The following SMTNL1 variants were observed in gnomAD, a reference collection of about 807,000 sequenced individuals.
SMTNL1 encodes smoothelin like 1, also known as smoothelin-like protein 1.
A neutral mutation model predicts 46.6 loss-of-function variants in SMTNL1; 41 were observed. The ratio of observed to expected loss-of-function variants is 0.88; its 90% CI spans 0.69 to 1.14. SMTNL1 has a LOEUF of 1.14. Ranked by LOEUF, SMTNL1 falls within the 50% of genes most tolerant of loss-of-function variation. The pLI is 0.00. For synonymous variants in SMTNL1, 234 were observed against 234.2 expected (o/e 1.00, Z 0.01); for missense variants, 591 against 626.1 (o/e 0.94, Z 0.60).
At position 57,545,767 on chromosome 11, in the gene SMTNL1, C is replaced by T. The variant is rs1469035382; in HGVS notation, c.918-114C>T. On this transcript the variant is annotated intron_variant, in intron 4 of 7. Transcript: ENST00000527972. ...GTCCTCCCAGTGCTGGGCACAGCTG[C>T]ACACACCCCCTTAGACTGCAGTGCC... 4.8e-6 allele frequency: 5 copies of T among 1,043,646 alleles called. No homozygotes were observed. In the East Asian group the frequency reaches 1.1e-4, roughly 22 times the overall value. The allele number at this position is 1,043,646 out of a possible 1,614,324, so 64.6% of individuals were successfully genotyped here. A position where few individuals can be genotyped will look rare whatever the true frequency, so the allele number is the denominator to read the frequency against.
At chr11:57,537,940 A>G (rs1944842001) in intron 1 of SMTNL1, among the ~76,000 whole-genome samples, 1 of 152,126 alleles carries the variant, frequency 6.6e-6, no homozygotes, top group South Asian at 2.1e-4. Flanking sequence ...GTCTAAGCCA[A>G]GCCTGTCCAG....
At chr11:57,542,586 C>T in intron 1 of SMTNL1, 55 bp from the exon 2 acceptor site, 1 of 1,532,786 alleles carries the variant, frequency 6.5e-7, no homozygotes, top group Admixed American at 2.1e-5. Context: ...AGGGTGGGGT[C>T]TTCACCTCAT....
Position 57,546,035 on chromosome 11 carries a change from G to A in SMTNL1, c.1072G>A (p.Gly358Arg), listed in dbSNP as rs753409479. ...NRKAIVDKFG[G>R]AASGPTALFR... The stretch of plus-strand genomic sequence containing the variant: ...CAAAGCCATCGTGGACAAGTTTGGC[G>A]GGTAGGACACAGGCCAGGGGCTGGG... The change falls in exon 5 of 8, where the codon GGG becomes AGG. Residue 358 changes from glycine (G) to arginine (R), a missense_variant and splice_region_variant. Physicochemically the swap from Gly to Arg is moderately radical, Grantham distance 125. Transcript: ENST00000527972. The A allele has an allele frequency of 1.6e-5, 26 of 1,580,962 alleles. No individual in the cohort carries two copies. Among genetic ancestry groups the A allele is most frequent in the African/African-American group, 4.1e-5 (3 of 73,728 alleles).
At position 57,543,063 on chromosome 11, in the gene SMTNL1, G is replaced by A. The variant is rs1184424222; in HGVS notation, c.421G>A (p.Glu141Lys). 1.2e-6 allele frequency: 2 copies of A among 1,608,658 alleles called. No homozygotes were observed. Among genetic ancestry groups the A allele is most frequent in the South Asian group, 1.1e-5 (1 of 90,220 alleles). Reference sequence around the variant, plus strand: ...GGCCTCTGAGAAGCAGAAGGCTGAGGAGAAAGAGGCCAAACCTGAATCTGG... The same window carrying A: ...GGCCTCTGAGAAGCAGAAGGCTGAGAAGAAAGAGGCCAAACCTGAATCTGG... Reference protein sequence around the residue: ...TLASEKQKAEEKEAKPESGQK... With the variant: ...TLASEKQKAEKKEAKPESGQK... Residue 141 changes from glutamate to lysine, a missense_variant, in exon 2 of 8, where the codon GAG (glutamate) becomes AAG (lysine). Coordinates refer to ENST00000527972, the MANE Select transcript of SMTNL1 (RefSeq NM_001105565.3).
In SMTNL1 at chr11:57,546,270, A is replaced by C. The variant is rs1944922397; in HGVS notation, c.1111A>C (p.Lys371Gln). 6.2e-7 allele frequency: 1 copy of C among 1,610,248 alleles called. No homozygotes were observed. Among genetic ancestry groups the C allele is most frequent in the African/African-American group, 1.3e-5 (1 of 74,866 alleles). Residue 371 changes from lysine (K) to glutamine (Q), a missense_variant, in exon 6 of 8, where the codon AAG becomes CAG. Lys to Gln is a moderately conservative substitution (Grantham distance 53). Coordinates refer to ENST00000527972, the MANE Select transcript of SMTNL1 (RefSeq NM_001105565.3). ...CCCCACGGCCTTGTTCCGCAACACT[A>C]AGGCAGCCGGGGCAGCCATTGGTGG... is the stretch of plus-strand genomic sequence containing the variant. The part of the protein sequence containing the change: ...SGPTALFRNT[K>Q]AAGAAIGGVK...
intron 4 of SMTNL1, among the ~76,000 whole-genome samples, chr11:57,544,241 G>A (rs371772665): frequency 4.6e-5 from 7 of 152,286 alleles, no homozygotes; most frequent in South Asian, 2.1e-4. Context: ...TTAGCTGAGC[G>A]TGGTGGTGGG....
At position 57,546,266 on chromosome 11, in the gene SMTNL1, C is replaced by T; in HGVS notation, c.1107C>T (p.Asn369=). 1 of 1,609,818 alleles carries T rather than the reference C, an allele frequency of 6.2e-7. No individual in the cohort carries two copies. The highest frequency in any genetic ancestry group is 8.5e-7 in the Non-Finnish European group (1 of 1,178,300). ...CCGGCCCCACGGCCTTGTTCCGCAACACTAAGGCAGCCGGGGCAGCCATTG... is the reference window on the plus strand; with the variant it reads ...CCGGCCCCACGGCCTTGTTCCGCAATACTAAGGCAGCCGGGGCAGCCATTG... ...AASGPTALFR[N]TKAAGAAIGG... Residue 369 remains asparagine, a synonymous_variant, in exon 6 of 8, where the codon AAC becomes AAT. Coordinates refer to ENST00000527972, the MANE Select transcript of SMTNL1 (RefSeq NM_001105565.3).
intron 4 of SMTNL1, among the ~76,000 whole-genome samples, chr11:57,544,241 G>C (rs371772665): frequency 6.6e-6 from 1 of 152,168 alleles, no homozygotes; most frequent in Non-Finnish European, 1.5e-5. Flanking sequence ...TTAGCTGAGC[G>C]TGGTGGTGGG....
chr11:57,546,278 C>T lies in SMTNL1; in HGVS notation c.1119C>T (p.Ala373=), dbSNP rs779182291. 16 of 1,610,624 alleles carry T rather than the reference C, an allele frequency of 9.9e-6. No individual in the cohort carries two copies. The highest frequency in any genetic ancestry group is 6.7e-5 in the African/African-American group (5 of 74,982). ...PTALFRNTKA[A]GAAIGGVKNM... is the part of the protein sequence containing the mutation. ...CCTTGTTCCGCAACACTAAGGCAGC[C>T]GGGGCAGCCATTGGTGGTGTCAAGA... The change falls in exon 6 of 8, where the codon GCC becomes GCT. Residue 373 remains alanine (A), a synonymous_variant. Transcript: ENST00000527972.
At position 57,548,626 on chromosome 11, in the gene SMTNL1, C is replaced by T. The variant is rs530116269; in HGVS notation, c.1341-1342C>T. On this transcript the variant is annotated intron_variant, in intron 7 of 7. Transcript: ENST00000527972. ...CAGAGGTTGCAGTGAGCCAAAATCACGCCACTGCATTCCAGCCTGGGCAAC... is the reference window on the plus strand; with the variant it reads ...CAGAGGTTGCAGTGAGCCAAAATCATGCCACTGCATTCCAGCCTGGGCAAC... Among the ~76,000 whole-genome samples, 6 of 152,088 alleles carry T rather than the reference C, an allele frequency of 3.9e-5. No individual in the cohort carries two copies. In the East Asian group the frequency reaches 1.2e-3, roughly 29 times the overall value.
At position 57,543,079 on chromosome 11, in the gene SMTNL1, C is replaced by G. The variant is rs1319363098; in HGVS notation, c.437C>G (p.Pro146Arg). 3 of 1,610,546 alleles carry G rather than the reference C, an allele frequency of 1.9e-6. No individual in the cohort carries two copies. Among genetic ancestry groups the G allele is most frequent in the Admixed American group, 3.4e-5 (2 of 59,332 alleles). ...KQKAEEKEAK[P>R]ESGQKADAND... is the part of the protein sequence containing the mutation. ...AAGGCTGAGGAGAAAGAGGCCAAAC[C>G]TGAATCTGGGCAGAAAGCCGATGCC... Residue 146 changes from proline (P) to arginine (R), a missense_variant, in exon 2 of 8, where the codon CCT (proline) becomes CGT (arginine). Coordinates refer to ENST00000527972, the MANE Select transcript of SMTNL1 (RefSeq NM_001105565.3).
At chr11:57,541,504 C>A (rs761906019) in intron 1 of SMTNL1, 14 of 1,367,350 alleles carry the variant, frequency 1.0e-5, no homozygotes, top group Admixed American at 9.5e-5. Context: ...TAATCTACCC[C>A]CATGCTCCCG....
Position 57,543,219 on chromosome 11 carries a change from G to T in SMTNL1, c.577G>T (p.Ala193Ser), listed in dbSNP as rs936623491. The change falls in exon 2 of 8, where the codon GCT becomes TCT. Residue 193 changes from alanine (A) to serine (S), a missense_variant. Ala to Ser is a moderately conservative substitution (Grantham distance 99, BLOSUM62 1). Transcript: ENST00000527972. Reference sequence around the variant, plus strand: ...GTGCAGCACTGAACCCAAGGAGAAGGCTACTGATGAAGAGGCCAAGGCTGA... The same window carrying T: ...GTGCAGCACTGAACCCAAGGAGAAGTCTACTGATGAAGAGGCCAAGGCTGA... Reference protein sequence around the residue: ...KECSTEPKEKATDEEAKAESQ... With the variant: ...KECSTEPKEKSTDEEAKAESQ... 6 of 1,613,768 alleles carry T rather than the reference G, an allele frequency of 3.7e-6. No homozygotes were observed. The highest frequency in any genetic ancestry group is 5.1e-6 in the Non-Finnish European group (6 of 1,179,882).
intron 7 of SMTNL1, among the ~76,000 whole-genome samples, chr11:57,547,755 A>G (rs1944932339): frequency 1.3e-5 from 2 of 152,238 alleles, no homozygotes; most frequent in African/African-American, 4.8e-5. Context: ...ACCCAAAACC[A>G]TGGGGCACTG....
intron 7 of SMTNL1, among the ~76,000 whole-genome samples, chr11:57,546,898 C>T (rs539031245): frequency 3.0e-4 from 45 of 152,162 alleles, no homozygotes; most frequent in African/African-American, 1.0e-3. Flanking sequence ...TCTGGGAGGC[C>T]GAGGCAGGAG....
At chr11:57,542,264 C>G (rs1262344522) in intron 1 of SMTNL1, among the ~76,000 whole-genome samples, 4 of 152,168 alleles carry the variant, frequency 2.6e-5, no homozygotes, top group African/African-American at 9.7e-5. Context: ...TGCTCCTGCA[C>G]TCCAGCCTGG....
intron 1 of SMTNL1, among the ~76,000 whole-genome samples, chr11:57,539,543 C>A (rs996309539): frequency 6.6e-6 from 1 of 152,258 alleles, no homozygotes; most frequent in Admixed American, 6.5e-5. Flanking sequence ...AGCCAACCCA[C>A]ATCATACGAG....
Position 57,546,726 on chromosome 11 carries a change from T to C in SMTNL1, c.1340+74T>C, listed in dbSNP as rs530849604. On this transcript the variant is annotated intron_variant, in intron 7 of 7. Coordinates refer to ENST00000527972, the MANE Select transcript of SMTNL1 (RefSeq NM_001105565.3). ...GACTGGATTCACAGGGGTTGAGTAG[T>C]GAGGCAGTTACACCGATGCTGGTGC... 3 of 1,531,592 alleles carry C rather than the reference T, an allele frequency of 2.0e-6. No individual in the cohort carries two copies. The East Asian group carries it at 7.2e-5, about 37-fold the overall frequency. 94.9% of individuals were successfully genotyped at this position (1,531,592 alleles called of 1,614,324 possible).
rs1013774612 is a variant in SMTNL1 at position 57,548,865 on chromosome 11, G to C, written c.1341-1103G>C. 8.6e-5 allele frequency among the ~76,000 whole-genome samples: 13 copies of C among 152,022 alleles called. No individual in the cohort carries two copies. The East Asian group carries it at 2.3e-3, about 27-fold the overall frequency. On this transcript the variant is annotated intron_variant, in intron 7 of 7. Transcript: ENST00000527972. Reference sequence around the variant, plus strand: ...TATGCCATGAGAGTGCAGAAGTTTTGGTTTTATTCACTGATGAATTCTCAG... The same window carrying C: ...TATGCCATGAGAGTGCAGAAGTTTTCGTTTTATTCACTGATGAATTCTCAG...
Sources: allele counts gnomAD v4.1 joint callset (sites outside exome capture counted in the v4.1 genomes callset), GRCh38; gene constraint gnomAD v4.1.1; transcripts MANE v1.5; gene names NCBI Gene and HGNC (gene_info 2026-07-23, HGNC 2026-07-21).